Variants in PCCA observed in about 807,000 individuals in gnomAD.
PCCA encodes propionyl-CoA carboxylase alpha chain, mitochondrial.
PCCA carries 74 observed loss-of-function variants against 101.3 expected under a neutral mutation model. That is an observed-to-expected ratio of 0.73 (90% confidence interval 0.61 to 0.89). PCCA has a LOEUF of 0.89. Among genes scored for constraint, PCCA ranks in the 40% least tolerant of loss-of-function variants. PCCA has a pLI of 0.00. For synonymous variants in PCCA, 294 were observed against 313.6 expected (o/e 0.94, Z 0.66); for missense variants, 891 against 907.0 (o/e 0.98, Z 0.23).
intron 19 of PCCA, among the ~76,000 whole-genome samples, chr13:100,425,354 T>A (rs1383615820): frequency 6.6e-6 from 1 of 151,104 alleles, no homozygotes; most frequent in Non-Finnish European, 1.5e-5. Context: ...ATGTAGCATG[T>A]CCAGATAGGT....
chr13:100,348,810 T>C (rs1221288662), intron 18 of PCCA, among the ~76,000 whole-genome samples: 89 of 78,322 alleles, frequency 1.1e-3, no homozygotes, highest in African/African-American at 2.2e-3. Context: ...CTTCCTTCCT[T>C]CCTTCCTTTC....
At chr13:100,334,229 C>T (rs1274728902) in intron 17 of PCCA, among the ~76,000 whole-genome samples, 1 of 152,184 alleles carries the variant, frequency 6.6e-6, no homozygotes, top group Non-Finnish European at 1.5e-5. Context: ...CTGGGCTGCA[C>T]TTGTGAGAGC....
At chr13:100,425,379 CTGTT>C (rs2079070484) in intron 19 of PCCA, among the ~76,000 whole-genome samples, 1 of 152,314 alleles carries the variant, frequency 6.6e-6, no homozygotes, top group East Asian at 1.9e-4. Context: ...AGTTAGAAGG[CTGTT>C]TGTTACTTAC....
At chr13:100,325,688 C>G (rs1286407563) in intron 16 of PCCA, among the ~76,000 whole-genome samples, 2 of 152,182 alleles carry the variant, frequency 1.3e-5, no homozygotes, top group African/African-American at 4.8e-5. Flanking sequence ...AGCTGCTCAT[C>G]TCCTAGCCTT....
At chr13:100,250,981 T>A (rs2061713912) in intron 8 of PCCA, among the ~76,000 whole-genome samples, 1 of 152,160 alleles carries the variant, frequency 6.6e-6, no homozygotes, top group Non-Finnish European at 1.5e-5. Flanking sequence ...CCATGAAAGA[T>A]GTAGGCAGGA....
intron 4 of PCCA, among the ~76,000 whole-genome samples, chr13:100,119,743 C>T (rs1400064756): frequency 2.0e-5 from 3 of 152,168 alleles, no homozygotes; most frequent in African/African-American, 7.2e-5. Context: ...TTCAAACCTC[C>T]AACTCACACG....
chr13:100,162,818 G>A (rs1265829968), intron 6 of PCCA, among the ~76,000 whole-genome samples: 1 of 152,122 alleles, frequency 6.6e-6, no homozygotes, highest in Non-Finnish European at 1.5e-5. Flanking sequence ...TGGATTTGGA[G>A]GAGAAAGTTC....
intron 12 of PCCA, among the ~76,000 whole-genome samples, chr13:100,294,807 T>A (rs1334162343): frequency 6.6e-6 from 1 of 152,160 alleles, no homozygotes; most frequent in African/African-American, 2.4e-5. Flanking sequence ...CAACTGACAA[T>A]GTCATGTCTC....
At chr13:100,137,795 T>C (rs2051357967) in intron 4 of PCCA, among the ~76,000 whole-genome samples, 1 of 146,840 alleles carries the variant, frequency 6.8e-6, no homozygotes, top group South Asian at 2.2e-4. Context: ...TTAATTTGTA[T>C]GTTTAAGTCT....
At chr13:100,103,919 A>G (rs2047519108) in intron 2 of PCCA, among the ~76,000 whole-genome samples, 1 of 152,236 alleles carries the variant, frequency 6.6e-6, no homozygotes, top group African/African-American at 2.4e-5. Flanking sequence ...TACAGGCGTG[A>G]GCCACTGTGC....
At chr13:100,488,640 T>G (rs837340) in intron 21 of PCCA, among the ~76,000 whole-genome samples, 93 of 65,788 alleles carry the variant, frequency 1.4e-3, no homozygotes, top group African/African-American at 5.7e-3. Flanking sequence ...TTTGTTTTTT[T>G]TTTGTTTTTT....
At chr13:100,526,192 C>T (rs1594151048) in intron 22 of PCCA, among the ~76,000 whole-genome samples, 1 of 152,210 alleles carries the variant, frequency 6.6e-6, no homozygotes, top group Admixed American at 6.5e-5. Context: ...TGTTCTGACA[C>T]CCCTGATGGG....
intron 19 of PCCA, among the ~76,000 whole-genome samples, chr13:100,375,162 T>C (rs901862995): frequency 6.6e-6 from 1 of 152,218 alleles, no homozygotes; most frequent in African/African-American, 2.4e-5. Context: ...TCAGTTTCCA[T>C]GTAGTTGTGC....
Position 100,457,406 on chromosome 13 carries a change from A to T in PCCA, c.1899+8101A>T, listed in dbSNP as rs79390363. Among the ~76,000 whole-genome samples, 1,434 of 152,270 alleles carry T rather than the reference A, an allele frequency of 9.4e-3. 21 individuals carry two copies. The highest frequency in any genetic ancestry group is 0.032 in the African/African-American group (1,327 of 41,556). ...TTGCTGGCTGACAAATCAGCCTGCG[A>T]CATTTCATAGATGCTGATAGAAAAC... On this transcript the variant is annotated intron_variant, in intron 21 of 23. Coordinates refer to ENST00000376285, the MANE Select transcript of PCCA (RefSeq NM_000282.4).
chr13:100,284,163 T>C (rs921323926), intron 12 of PCCA, among the ~76,000 whole-genome samples: 15 of 152,392 alleles, frequency 9.8e-5, no homozygotes, highest in Admixed American at 6.5e-4. Flanking sequence ...TGGGACAGCC[T>C]GTAACCAGGT....
intron 8 of PCCA, among the ~76,000 whole-genome samples, chr13:100,246,062 C>CA (rs1286776517): frequency 6.6e-6 from 1 of 152,160 alleles, no homozygotes; most frequent in Non-Finnish European, 1.5e-5. Flanking sequence ...AGCCTTTATA[C>CA]ACCTGTATCA....
At chr13:100,427,186 C>T (rs999290632) in intron 20 of PCCA, among the ~76,000 whole-genome samples, 1 of 152,218 alleles carries the variant, frequency 6.6e-6, no homozygotes, top group African/African-American at 2.4e-5. Context: ...CATTGCACTG[C>T]AGCCTGGGCA....
At chr13:100,419,940 G>A (rs1161986128) in intron 19 of PCCA, among the ~76,000 whole-genome samples, 13 of 152,242 alleles carry the variant, frequency 8.5e-5, no homozygotes, top group African/African-American at 3.1e-4. Flanking sequence ...GTTTACATTA[G>A]CATGGCTGCT....
intron 21 of PCCA, among the ~76,000 whole-genome samples, chr13:100,462,469 A>G (rs551792410): frequency 6.6e-6 from 1 of 152,316 alleles, no homozygotes; most frequent in East Asian, 1.9e-4. Flanking sequence ...AACTGATACC[A>G]TGCAAACATG....
Sources: allele counts gnomAD v4.1 joint callset (sites outside exome capture counted in the v4.1 genomes callset), GRCh38; gene constraint gnomAD v4.1.1; transcripts MANE v1.5; gene names NCBI Gene and HGNC (gene_info 2026-07-23, HGNC 2026-07-21).